The following DCAF12 variants were observed in gnomAD, a reference collection of about 807,000 sequenced individuals.
DCAF12 encodes the protein DDB1- and CUL4-associated factor 12.
A neutral mutation model predicts 52.8 loss-of-function variants in DCAF12; 28 were observed. The observed-to-expected ratio is 0.53, with a 90% confidence interval of 0.39 to 0.73. The LOEUF (loss-of-function observed/expected upper bound fraction) is 0.73. Ranked by LOEUF, DCAF12 falls within the 30% of genes least tolerant of loss-of-function variation. The pLI is 0.00. For missense variants in DCAF12, 425 were observed against 552.2 expected, an observed-to-expected ratio of 0.77 and a Z score of 2.31; for synonymous variants, 196 against 215.5, an observed-to-expected ratio of 0.91 and a Z score of 0.79.
At chr9:34,103,612 G>A (rs962893672) in intron 4 of DCAF12, among the ~76,000 whole-genome samples, 5 of 151,992 alleles carry the variant, frequency 3.3e-5, no homozygotes, top group African/African-American at 9.7e-5. Flanking sequence ...CCAGCACTTC[G>A]AGAGGCTCAA....
At chr9:34,112,502 G>A (rs1252106826) in intron 2 of DCAF12, among the ~76,000 whole-genome samples, 1 of 151,902 alleles carries the variant, frequency 6.6e-6, no homozygotes, top group African/African-American at 2.4e-5. Flanking sequence ...GCTGAGGCAG[G>A]AGAATTGCTT....
intron 4 of DCAF12, among the ~76,000 whole-genome samples, chr9:34,104,391 T>C (rs1256433539): frequency 6.6e-6 from 1 of 151,990 alleles, no homozygotes; most frequent in Admixed American, 6.6e-5. Flanking sequence ...TTGTTAATGC[T>C]GGATTATGGG....
At chr9:34,111,373 C>A (rs774863794) in intron 2 of DCAF12, among the ~76,000 whole-genome samples, 1 of 152,214 alleles carries the variant, frequency 6.6e-6, no homozygotes, top group Non-Finnish European at 1.5e-5. Context: ...AATGTCCAGG[C>A]TGATCAAGTG....
chr9:34,121,698 A>G (rs966404478), intron 2 of DCAF12, among the ~76,000 whole-genome samples: 1 of 152,130 alleles, frequency 6.6e-6, no homozygotes, highest in Non-Finnish European at 1.5e-5. Context: ...TAATCCCAGC[A>G]CTTTGGGAGG....
intron 1 of DCAF12, among the ~76,000 whole-genome samples, chr9:34,126,005 C>T (rs888218372): frequency 3.3e-5 from 5 of 152,166 alleles, no homozygotes; most frequent in Non-Finnish European, 7.4e-5. Context: ...TCCTAGGGCC[C>T]ATGGAAGGTA....
rs1316505172 is a variant in DCAF12 at position 34,093,392 on chromosome 9, A to G, written c.918T>C (p.Ser306=). The G allele has an allele frequency of 1.2e-6, 2 of 1,614,236 alleles. No homozygotes were observed. Among genetic ancestry groups the G allele is most frequent in the Non-Finnish European group, 1.7e-6 (2 of 1,180,042 alleles). ...CRENVCLAYG[S]EWSVYAVGSQ... is the part of the protein sequence containing the mutation. ...AGCCCACTGCATAAACTGACCATTC[A>G]CTACCATAAGCCAGACACACATTCT... is the stretch of plus-strand genomic sequence containing the variant. Residue 306 remains serine, a synonymous_variant, in exon 7 of 9, where the codon AGT becomes AGC. Coordinates refer to ENST00000361264, the MANE Select transcript of DCAF12 (RefSeq NM_015397.4).
At chr9:34,099,389 G>C (rs1265684347) in intron 4 of DCAF12, among the ~76,000 whole-genome samples, 1 of 150,968 alleles carries the variant, frequency 6.6e-6, no homozygotes. Flanking sequence ...GTGCCACCAC[G>C]CCCAGTTAAT....
At chr9:34,089,705 C>T (rs971207342) in intron 7 of DCAF12, 115 bp from the exon 8 acceptor site, 6 of 999,730 alleles carry the variant, frequency 6.0e-6, no homozygotes, top group South Asian at 3.6e-5. Context: ...CCCCTCCACC[C>T]GCCCCACAAA....
intron 2 of DCAF12, among the ~76,000 whole-genome samples, chr9:34,122,950 G>GT (rs760280831): frequency 2.4e-4 from 37 of 152,282 alleles, no homozygotes; most frequent in African/African-American, 5.1e-4. Flanking sequence ...CTGAATTTGC[G>GT]TAAGTCTAAA....
chr9:34,119,008 A>G (rs1023471696), intron 2 of DCAF12, among the ~76,000 whole-genome samples: 1 of 152,092 alleles, frequency 6.6e-6, no homozygotes, highest in Non-Finnish European at 1.5e-5. Flanking sequence ...CTTATCTCAC[A>G]CTTACTTCCT....
intron 2 of DCAF12, among the ~76,000 whole-genome samples, chr9:34,114,238 T>G (rs929806494): frequency 9.2e-5 from 14 of 152,292 alleles, no homozygotes; most frequent in African/African-American, 3.4e-4. Flanking sequence ...TATAGAATAC[T>G]GAATGACCTC....
chr9:34,099,522 G>A (rs1000056595), intron 4 of DCAF12, among the ~76,000 whole-genome samples: 2 of 151,838 alleles, frequency 1.3e-5, no homozygotes, highest in South Asian at 2.1e-4. Flanking sequence ...ATGAGCCACC[G>A]CGCCTTACTC....
Position 34,096,835 on chromosome 9 carries a change from G to A in DCAF12, c.796-54C>T, listed in dbSNP as rs376906615. On this transcript the variant is annotated intron_variant, in intron 5 of 8. Transcript: ENST00000361264. ...TTATCATCTATAGCAACTAATGTACGATAATAAGCAGGCGAGGATTCTAAG... is the reference window on the plus strand; with the variant it reads ...TTATCATCTATAGCAACTAATGTACAATAATAAGCAGGCGAGGATTCTAAG... 38 of 1,529,312 alleles carry A rather than the reference G, an allele frequency of 2.5e-5. No individual in the cohort carries two copies. The African/African-American group carries it at 2.9e-4, about 12-fold the overall frequency. 94.7% of individuals were successfully genotyped at this position (1,529,312 alleles called of 1,614,324 possible).
chr9:34,123,227 C>T, intron 2 of DCAF12, among the ~76,000 whole-genome samples: 1 of 152,162 alleles, frequency 6.6e-6, no homozygotes, highest in East Asian at 1.9e-4. Flanking sequence ...TAATCTCTCC[C>T]ACCTCTGAAA....
intron 6 of DCAF12, among the ~76,000 whole-genome samples, chr9:34,094,655 C>T (rs1409235576): frequency 3.3e-5 from 5 of 151,724 alleles, no homozygotes; most frequent in African/African-American, 4.8e-5. Flanking sequence ...CTCAGCTTCC[C>T]GGGTAGCTGG....
chr9:34,097,838 CAGA>C lies in DCAF12; in HGVS notation c.795+483_795+485del, dbSNP rs1438796482. ...GTCCCAGCTACTTGAGAATCTGAGG[CAGA>C]AGAATTGCTTGAACCTGGAAGGTGG... On this transcript the variant is annotated intron_variant, in intron 5 of 8. Coordinates refer to ENST00000361264, the MANE Select transcript of DCAF12 (RefSeq NM_015397.4). Among the ~76,000 whole-genome samples the C allele has an allele frequency of 1.6e-4, 24 of 150,796 alleles. No individual in the cohort carries two copies. In the East Asian group the frequency reaches 4.1e-3, roughly 26 times the overall value.
chr9:34,117,967 A>G (rs1307034697), intron 2 of DCAF12, among the ~76,000 whole-genome samples: 1 of 152,142 alleles, frequency 6.6e-6, no homozygotes, highest in African/African-American at 2.4e-5. Flanking sequence ...TCAGAACCCT[A>G]TTTAGTATTG....
intron 6 of DCAF12, chr9:34,093,720 G>C (rs1828687789): frequency 5.7e-6 from 2 of 350,552 alleles, no homozygotes; most frequent in Non-Finnish European, 1.1e-5. Flanking sequence ...GAAAGGCCAA[G>C]GCCTTTCTTG....
chr9:34,093,488 G>C, intron 6 of DCAF12, 40 bp from the exon 7 acceptor site: 1 of 1,608,032 alleles, frequency 6.2e-7, no homozygotes, highest in South Asian at 1.1e-5. Context: ...CATCAGCAGA[G>C]AGGGTAAGGC....
Sources: gnomAD v4.1 joint callset for allele counts (sites outside exome capture counted in the v4.1 genomes callset) on GRCh38, gnomAD v4.1.1 for gene constraint, MANE v1.5 for transcripts, NCBI Gene and HGNC (gene_info 2026-07-23, HGNC 2026-07-21) for gene names.